TRPM6: variants seen among roughly 807,000 people sequenced by gnomAD.
The protein encoded by TRPM6 is transient receptor potential cation channel subfamily M member 6, also known as channel kinase 2.
A neutral mutation model predicts 247.6 loss-of-function variants in TRPM6; 111 were observed. The ratio of observed to expected loss-of-function variants is 0.45; its 90% CI spans 0.38 to 0.52. The LOEUF is 0.52. TRPM6 is among the 20% of genes least tolerant of loss of function. The pLI is 0.00. For missense variants in TRPM6, 2,126 were observed against 2,421.5 expected (o/e 0.88, Z 2.56); for synonymous variants, 892 against 853.8 (o/e 1.04, Z -0.78).
chr9:74,771,828 G>T lies in TRPM6; in HGVS notation c.3411C>A (p.Tyr1137Ter). 1 of 1,613,628 alleles carries T rather than the reference G, an allele frequency of 6.2e-7. No homozygotes were observed. Among genetic ancestry groups the T allele is most frequent in the Non-Finnish European group, 8.5e-7 (1 of 1,179,714 alleles). Residue 1137 changes from tyrosine to a stop codon, truncating the protein, a stop_gained, in exon 25 of 39, where the codon TAC (tyrosine) becomes TAA (stop). Transcript: ENST00000360774. LOFTEE classifies it high-confidence loss of function. Reference protein sequence around the residue: ...QEEGDVGLKLYLSKEDLKKLH... With the variant: ...QEEGDVGLKL ...GTTTTTTCAGATCCTCCTTACTGAG[G>T]TAGAGTTCTATAGAAATAAGTATGA...
chr9:74,739,467 C>T lies in TRPM6; in HGVS notation c.5488-18G>A, dbSNP rs1825792108. 4 of 1,609,114 alleles carry T rather than the reference C, an allele frequency of 2.5e-6. No individual in the cohort carries two copies. The highest frequency in any genetic ancestry group is 3.4e-6 in the Non-Finnish European group (4 of 1,175,522). On this transcript the variant is annotated intron_variant, in intron 34 of 38. Coordinates refer to ENST00000360774, the MANE Select transcript of TRPM6 (RefSeq NM_017662.5). ...TGAATTTCCTACAAAATAGGGAGCA[C>T]TGATAAAAATACTGATTTACTGTTG...
At chr9:74,887,784 A>G in intron 1 of TRPM6, 40 bp downstream of exon 1, 5 of 1,614,036 alleles carry the variant, frequency 3.1e-6, no homozygotes, top group Non-Finnish European at 3.4e-6. Context: ...CGAATCGCCT[A>G]AGGTCCTTGT....
chr9:74,849,430 G>A (rs1406132864), intron 3 of TRPM6, among the ~76,000 whole-genome samples: 2 of 151,076 alleles, frequency 1.3e-5, no homozygotes, highest in Non-Finnish European at 1.5e-5. Flanking sequence ...GATGTCCTTA[G>A]AAGAAGGAGA....
At chr9:74,879,332 T>C (rs1249184726) in intron 1 of TRPM6, among the ~76,000 whole-genome samples, 3 of 150,080 alleles carry the variant, frequency 2.0e-5, no homozygotes, top group Non-Finnish European at 4.4e-5. Flanking sequence ...ATGATTTATA[T>C]ACATATATAC....
At chr9:74,779,981 G>C (rs187098918) in intron 23 of TRPM6, among the ~76,000 whole-genome samples, 3 of 151,794 alleles carry the variant, frequency 2.0e-5, no homozygotes, top group Non-Finnish European at 4.4e-5. Flanking sequence ...AGACCAGCCT[G>C]GCCAATATGG....
rs970373621 is a variant in TRPM6 at position 74,722,573 on chromosome 9, A to T, written c.*2040T>A. 3 of 152,212 alleles carry T rather than the reference A, an allele frequency of 2.0e-5. No individual in the cohort carries two copies. The highest frequency in any genetic ancestry group is 7.2e-5 in the African/African-American group (3 of 41,446). 9.4% of individuals were successfully genotyped at this position (152,212 alleles called of 1,614,324 possible). A position where few individuals can be genotyped will look rare whatever the true frequency, so the allele number is the denominator to read the frequency against. ...ATTTGACCAATGAACTGATGTCTTT[A>T]GTTTGGCAATTGGGCAAGCAAACTC... On this transcript the variant is annotated 3_prime_UTR_variant, in exon 39 of 39. Transcript: ENST00000360774.
At chr9:74,750,373 T>C (rs1427227196) in intron 30 of TRPM6, among the ~76,000 whole-genome samples, 1 of 152,218 alleles carries the variant, frequency 6.6e-6, no homozygotes, top group Non-Finnish European at 1.5e-5. Flanking sequence ...CAAAAAGATA[T>C]GATAATCATT....
chr9:74,858,776 C>T (rs1318533116), intron 1 of TRPM6, 28 bp from the exon 2 acceptor site: 2 of 1,537,414 alleles, frequency 1.3e-6, no homozygotes, highest in South Asian at 2.2e-5. Context: ...TTATTTTATA[C>T]TCTAATTATG....
chr9:74,747,767 T>A, intron 31 of TRPM6, 122 bp downstream of exon 31: 2 of 840,416 alleles, frequency 2.4e-6, no homozygotes, highest in South Asian at 3.1e-5. Context: ...CTTTCTACAT[T>A]GCATGATGGA....
chr9:74,804,399 G>T, intron 14 of TRPM6: 1 of 502,746 alleles, frequency 2.0e-6, no homozygotes, highest in South Asian at 2.2e-5. Context: ...TTAGCAGGAA[G>T]TTTTCATCAA....
At chr9:74,801,871 A>G (rs373213346) in intron 16 of TRPM6, 27 bp downstream of exon 16, 369 of 1,612,564 alleles carry the variant, frequency 2.3e-4, no homozygotes, top group Non-Finnish European at 3.0e-4. Context: ...GTTGATGTTT[A>G]GTATGAAGTG....
In TRPM6 at chr9:74,775,910, C is replaced by G. The variant is rs142128314; in HGVS notation, c.3376G>C (p.Asp1126His). 3.1e-6 allele frequency: 5 copies of G among 1,614,114 alleles called. No homozygotes were observed. Among genetic ancestry groups the G allele is most frequent in the Non-Finnish European group, 3.4e-6 (4 of 1,180,018 alleles). The change falls in exon 24 of 39, where the codon GAC (aspartate) becomes CAC (histidine). Residue 1126 changes from aspartate (D) to histidine (H), a missense_variant. This residue lies in a region of TRPM6 where 717 missense variants were observed against 715.9 expected (regional missense o/e 1.00). Coordinates refer to ENST00000360774, the MANE Select transcript of TRPM6 (RefSeq NM_017662.5). Reference sequence around the variant, plus strand: ...AATCCAACGTCACCCTCTTCTTGGTCGTGAGGAGCTCGATGACAGCACAGG... The same window carrying G: ...AATCCAACGTCACCCTCTTCTTGGTGGTGAGGAGCTCGATGACAGCACAGG... ...RRLCCHRAPH[D>H]QEEGDVGLKL...
At position 74,777,842 on chromosome 9, in the gene TRPM6, A is replaced by G. The variant is rs1422908909; in HGVS notation, c.3210-1766T>C. 8.5e-5 allele frequency among the ~76,000 whole-genome samples: 13 copies of G among 152,340 alleles called. No individual in the cohort carries two copies. In the East Asian group the frequency reaches 2.5e-3, roughly 29 times the overall value. Reference sequence around the variant, plus strand: ...CTTTCCCCCACAGTATGAAAAATACACACCTCTAGCACTCTGCAGTCGTGC... The same window carrying G: ...CTTTCCCCCACAGTATGAAAAATACGCACCTCTAGCACTCTGCAGTCGTGC... On this transcript the variant is annotated intron_variant, in intron 23 of 38. Transcript: ENST00000360774.
At chr9:74,728,169 A>T in intron 38 of TRPM6, 70 bp downstream of exon 38, 2 of 1,162,046 alleles carry the variant, frequency 1.7e-6, no homozygotes, top group Admixed American at 3.5e-5. Context: ...TTTCTACTTT[A>T]TCCCAGGTTA....
At chr9:74,839,551 A>C (rs1829844344) in intron 5 of TRPM6, among the ~76,000 whole-genome samples, 1 of 152,152 alleles carries the variant, frequency 6.6e-6, no homozygotes, top group Non-Finnish European at 1.5e-5. Context: ...GTCCAGGCCC[A>C]CACACACTAT....
intron 16 of TRPM6, 92 bp downstream of exon 16, chr9:74,801,806 T>C: frequency 6.6e-7 from 1 of 1,504,516 alleles, no homozygotes; most frequent in Non-Finnish European, 9.1e-7. Context: ...TAAGTCCATT[T>C]GTCCTACAAG....
At chr9:74,875,187 G>A in intron 1 of TRPM6, 1 of 451,756 alleles carries the variant, frequency 2.2e-6, no homozygotes. Context: ...CAACAAAACT[G>A]ATAAAACACT....
At chr9:74,793,500 C>T (rs370934753) in intron 18 of TRPM6, among the ~76,000 whole-genome samples, 37 of 152,108 alleles carry the variant, frequency 2.4e-4, no homozygotes, top group African/African-American at 6.7e-4. Context: ...TACAGTCACC[C>T]GCCACCACAC....
At chr9:74,745,532 T>G (rs1252893866) in intron 31 of TRPM6, among the ~76,000 whole-genome samples, 1 of 152,232 alleles carries the variant, frequency 6.6e-6, no homozygotes, top group South Asian at 2.1e-4. Flanking sequence ...GGAAAGTTGC[T>G]GTTTTATATA....
Sources: gnomAD v4.1 joint callset for allele counts (sites outside exome capture counted in the v4.1 genomes callset) on GRCh38, gnomAD v4.1.1 for gene constraint, gnomAD v4.1.1 regional missense constraint, MANE v1.5 for transcripts, NCBI Gene and HGNC (gene_info 2026-07-23, HGNC 2026-07-21) for gene names.